FBXL17: variants seen among roughly 807,000 people sequenced by gnomAD.
FBXL17 encodes F-box and leucine rich repeat protein 17.
A neutral mutation model predicts 66.2 loss-of-function variants in FBXL17; 22 were observed. The ratio of observed to expected loss-of-function variants is 0.33; its 90% CI spans 0.24 to 0.47. The LOEUF is 0.47. FBXL17 is among the 20% of genes least tolerant of loss of function. The pLI, the probability that FBXL17 is intolerant of heterozygous loss-of-function variation, is 1.00. For synonymous variants in FBXL17, 474 were observed against 400.5 expected (o/e 1.18, Z -2.19); for missense variants, 878 against 948.2 (o/e 0.93, Z 0.97).
At chr5:108,259,932 G>C (rs1049381388) in intron 4 of FBXL17, among the ~76,000 whole-genome samples, 18 of 151,814 alleles carry the variant, frequency 1.2e-4, no homozygotes, top group Admixed American at 3.3e-4. Flanking sequence ...GTTCCTATCA[G>C]GATGGTAAAC....
intron 6 of FBXL17, among the ~76,000 whole-genome samples, chr5:108,041,138 T>G (rs1025593396): frequency 1.3e-5 from 2 of 152,224 alleles, no homozygotes. Context: ...TTCAATTATT[T>G]TAATTGGTAG....
At chr5:108,155,844 C>T (rs915545032) in intron 6 of FBXL17, among the ~76,000 whole-genome samples, 1 of 151,790 alleles carries the variant, frequency 6.6e-6, no homozygotes, top group African/African-American at 2.4e-5. Context: ...CACTTTATGC[C>T]CTCAGGTTAT....
At chr5:107,952,612 C>T (rs1466925425) in intron 7 of FBXL17, among the ~76,000 whole-genome samples, 1 of 152,182 alleles carries the variant, frequency 6.6e-6, no homozygotes, top group African/African-American at 2.4e-5. Context: ...TCAAAAAGCT[C>T]AGATAACCCA....
At chr5:108,234,382 AT>A (rs1386252412) in intron 4 of FBXL17, among the ~76,000 whole-genome samples, 2 of 152,182 alleles carry the variant, frequency 1.3e-5, no homozygotes, top group African/African-American at 2.4e-5. Flanking sequence ...AGGCATAATT[AT>A]CCCCACTTAA....
chr5:108,363,954 T>C (rs1475333327), intron 3 of FBXL17, among the ~76,000 whole-genome samples: 1 of 152,016 alleles, frequency 6.6e-6, no homozygotes, highest in Non-Finnish European at 1.5e-5. Flanking sequence ...ATCCTGTACA[T>C]AGCAGAAATG....
chr5:108,318,904 T>A (rs980055635), intron 4 of FBXL17, among the ~76,000 whole-genome samples: 16 of 151,892 alleles, frequency 1.1e-4, no homozygotes, highest in African/African-American at 3.9e-4. Context: ...TTTACAGTTT[T>A]AAAAATCATA....
At chr5:108,176,444 C>T (rs6596770) in intron 6 of FBXL17, among the ~76,000 whole-genome samples, 74,183 of 151,872 alleles carry the variant, frequency 0.49, 18,878 homozygotes, top group East Asian at 0.76. Flanking sequence ...TAGAAATGTT[C>T]ACTTATGCAC....
intron 6 of FBXL17, among the ~76,000 whole-genome samples, chr5:108,048,491 G>A (rs1235313305): frequency 6.6e-6 from 1 of 152,114 alleles, no homozygotes. Flanking sequence ...TCAGAAGATG[G>A]GTAATAAAAA....
At chr5:107,995,028 A>G (rs1384087956) in intron 7 of FBXL17, among the ~76,000 whole-genome samples, 1 of 152,196 alleles carries the variant, frequency 6.6e-6, no homozygotes, top group East Asian at 1.9e-4. Context: ...AATAATAGAA[A>G]TGTTTCTTGA....
intron 5 of FBXL17, among the ~76,000 whole-genome samples, chr5:108,207,469 T>C (rs1475193318): frequency 6.6e-6 from 1 of 152,148 alleles, no homozygotes; most frequent in Non-Finnish European, 1.5e-5. Context: ...CCTAATGTTA[T>C]CCCTTCCCTA....
chr5:108,229,918 G>C (rs1418815857), intron 4 of FBXL17, among the ~76,000 whole-genome samples: 2 of 152,036 alleles, frequency 1.3e-5, no homozygotes, highest in Non-Finnish European at 2.9e-5. Flanking sequence ...GTCATGAATA[G>C]ACAATTCTCA....
At chr5:108,146,462 C>T (rs1444022857) in intron 6 of FBXL17, among the ~76,000 whole-genome samples, 1 of 152,160 alleles carries the variant, frequency 6.6e-6, no homozygotes, top group Non-Finnish European at 1.5e-5. Flanking sequence ...TCTTGGAATG[C>T]CATATCCTCT....
intron 4 of FBXL17, among the ~76,000 whole-genome samples, chr5:108,255,587 T>A (rs554691960): frequency 6.6e-6 from 1 of 152,272 alleles, no homozygotes; most frequent in East Asian, 1.9e-4. Context: ...AGGCTTAATC[T>A]CAGGAGTCCT....
intron 7 of FBXL17, among the ~76,000 whole-genome samples, chr5:107,922,574 G>A (rs1750360375): frequency 6.6e-6 from 1 of 152,156 alleles, no homozygotes; most frequent in South Asian, 2.1e-4. Flanking sequence ...AATTTCTTAA[G>A]ATTGACGCTG....
intron 4 of FBXL17, among the ~76,000 whole-genome samples, chr5:108,271,087 CAAA>C (rs146895612): frequency 7.2e-6 from 1 of 137,948 alleles, no homozygotes. Context: ...AAAGACAATG[CAAA>C]AAAAAAAAAG....
intron 4 of FBXL17, among the ~76,000 whole-genome samples, chr5:108,230,837 G>T (rs1256595346): frequency 9.5e-5 from 14 of 146,826 alleles, no homozygotes; most frequent in Non-Finnish European, 1.7e-4. Flanking sequence ...CAAATAGGGT[G>T]CAGTGTATAC....
At chr5:108,367,339 A>G (rs924340563) in intron 2 of FBXL17, among the ~76,000 whole-genome samples, 4 of 151,414 alleles carry the variant, frequency 2.6e-5, no homozygotes, top group African/African-American at 9.7e-5. Flanking sequence ...AAGTTAAAGA[A>G]AAAAAAAAGG....
At chr5:107,898,349 T>A (rs1357347757) in intron 7 of FBXL17, among the ~76,000 whole-genome samples, 1 of 152,050 alleles carries the variant, frequency 6.6e-6, no homozygotes, top group African/African-American at 2.4e-5. Context: ...ACTCCACCTC[T>A]TCCTCCTCTG....
intron 6 of FBXL17, among the ~76,000 whole-genome samples, chr5:108,127,363 A>G (rs1250138654): frequency 4.6e-5 from 7 of 152,230 alleles, no homozygotes; most frequent in Non-Finnish European, 1.5e-5. Flanking sequence ...AGTAAGAAAG[A>G]AAACAGTGTA....
Sources: gnomAD v4.1 joint callset for allele counts (sites outside exome capture counted in the v4.1 genomes callset) on GRCh38, gnomAD v4.1.1 for gene constraint, MANE v1.5 for transcripts, NCBI Gene and HGNC (gene_info 2026-07-23, HGNC 2026-07-21) for gene names.